The following PTPRS variants were observed in gnomAD, a reference collection of about 807,000 sequenced individuals.
The protein encoded by PTPRS is protein tyrosine phosphatase receptor type S, also known as receptor-type tyrosine-protein phosphatase S.
A neutral mutation model predicts 215.3 loss-of-function variants in PTPRS; 63 were observed. The observed-to-expected ratio is 0.29, with a 90% confidence interval of 0.24 to 0.36. The LOEUF is 0.36. Among genes scored for constraint, PTPRS ranks in the 10% least tolerant of loss-of-function variants. The pLI, the probability that PTPRS is intolerant of heterozygous loss-of-function variation, is 1.00. For synonymous variants in PTPRS, 1,404 were observed against 1,191.4 expected (o/e 1.18, Z -3.68); for missense variants, 2,258 against 2,825.8 (o/e 0.80, Z 4.56).
intron 16 of PTPRS, among the ~76,000 whole-genome samples, chr19:5,226,293 G>A (rs1474118762): frequency 6.6e-6 from 1 of 152,216 alleles, no homozygotes; most frequent in Non-Finnish European, 1.5e-5. Context: ...GGCACAGCCT[G>A]CCTCAGGCCC....
chr19:5,314,254 G>A (rs943091893), intron 1 of PTPRS, among the ~76,000 whole-genome samples: 1 of 152,152 alleles, frequency 6.6e-6, no homozygotes, highest in Non-Finnish European at 1.5e-5. Context: ...AGATAGAGTC[G>A]TGACCTCCCT....
At chr19:5,240,516 C>G (rs2043942198) in intron 11 of PTPRS, among the ~76,000 whole-genome samples, 184 bp from the exon 12 acceptor site, 1 of 152,206 alleles carries the variant, frequency 6.6e-6, no homozygotes, top group African/African-American at 2.4e-5. Context: ...TCCATCCTCT[C>G]TTCTTCCAAA....
intron 9 of PTPRS, among the ~76,000 whole-genome samples, chr19:5,248,651 C>T (rs1157960251): frequency 2.0e-5 from 3 of 152,200 alleles, no homozygotes; most frequent in Non-Finnish European, 4.4e-5. Context: ...TTCTCGACAC[C>T]CTGCCTCTCT....
At chr19:5,306,559 AG>A (rs2049501289) in intron 1 of PTPRS, among the ~76,000 whole-genome samples, 1 of 152,150 alleles carries the variant, frequency 6.6e-6, no homozygotes, top group Admixed American at 6.5e-5. Flanking sequence ...CGCCTGTGGT[AG>A]GATCTTCCGT....
intron 1 of PTPRS, among the ~76,000 whole-genome samples, chr19:5,308,922 C>G (rs1313992426): frequency 2.0e-5 from 3 of 152,182 alleles, no homozygotes; most frequent in Non-Finnish European, 4.4e-5. Context: ...CGTTCCTCTC[C>G]CTTCATTACC....
At position 5,222,764 on chromosome 19, in the gene PTPRS, C is replaced by G. The variant is rs1360908131; in HGVS notation, c.3028G>C (p.Val1010Leu). The change falls in exon 18 of 38, where the codon GTG (valine) becomes CTG (leucine). Residue 1010 changes from valine to leucine, a missense_variant. Coordinates refer to ENST00000262963, the MANE Select transcript of PTPRS (RefSeq NM_002850.4). ...GGGCCCCGGCGCGTGTGGGCTCGCACTTGGAGGTCATAGGCCGTGTCGGGC... is the reference window on the plus strand; with the variant it reads ...GGGCCCCGGCGCGTGTGGGCTCGCAGTTGGAGGTCATAGGCCGTGTCGGGC... ...LKPDTAYDLQ[V>L]RAHTRRGPGP... 12 of 1,599,170 alleles carry G rather than the reference C, an allele frequency of 7.5e-6. No individual in the cohort carries two copies. The highest frequency in any genetic ancestry group is 8.5e-6 in the Non-Finnish European group (10 of 1,178,632).
chr19:5,337,083 C>T (rs1243890805), intron 1 of PTPRS, among the ~76,000 whole-genome samples: 1 of 152,120 alleles, frequency 6.6e-6, no homozygotes, highest in East Asian at 1.9e-4. Flanking sequence ...CTGCGCCCGC[C>T]AAACCTAAAG....
rs963775632 is a variant in PTPRS, at chr19:5,338,822, A to T, written c.-95+1842T>A. ...GGTATCGCAGGAGCAGAGGAGCGGG[A>T]TGGCTTCCTTCTCCCGGGCGAAAGG... On this transcript the variant is annotated intron_variant, in intron 1 of 37. Coordinates refer to ENST00000262963, the MANE Select transcript of PTPRS (RefSeq NM_002850.4). This position sits in a 1 kb window ranked among gnomAD's most constrained non-coding sequence, Gnocchi z 4.2. Among the ~76,000 whole-genome samples the T allele has an allele frequency of 4.6e-5, 7 of 152,274 alleles. No homozygotes were observed. Among genetic ancestry groups the T allele is most frequent in the African/African-American group, 1.7e-4 (7 of 41,560 alleles).
At chr19:5,316,377 T>C (rs1016854678) in intron 1 of PTPRS, among the ~76,000 whole-genome samples, 5 of 151,860 alleles carry the variant, frequency 3.3e-5, no homozygotes, top group African/African-American at 1.2e-4. Flanking sequence ...GATTTGCTGA[T>C]TGGGTTTTTT....
At position 5,295,885 on chromosome 19, in the gene PTPRS, G is replaced by C. The variant is rs934489880; in HGVS notation, c.-94-9651C>G. On this transcript the variant is annotated intron_variant, in intron 1 of 37. Coordinates refer to ENST00000262963, the MANE Select transcript of PTPRS (RefSeq NM_002850.4). This position sits in a 1 kb window ranked among gnomAD's most constrained non-coding sequence, Gnocchi z 4.6. ...TCCTCCCACCTCAGCCTCCTGAGTA[G>C]CTTGGACTACAGGCACATGCCACCA... 2.0e-5 allele frequency among the ~76,000 whole-genome samples: 3 copies of C among 152,112 alleles called. No individual in the cohort carries two copies. Among genetic ancestry groups the C allele is most frequent in the African/African-American group, 7.2e-5 (3 of 41,424 alleles).
At chr19:5,282,743 A>G (rs1041852774) in intron 2 of PTPRS, among the ~76,000 whole-genome samples, 2 of 151,050 alleles carry the variant, frequency 1.3e-5, no homozygotes, top group African/African-American at 4.9e-5. Context: ...CAGAGGCTGC[A>G]GTGGGAGCCG....
chr19:5,207,886 AG>A (rs1568355141), intron 37 of PTPRS, 35 bp downstream of exon 37: 1 of 1,606,604 alleles, frequency 6.2e-7, no homozygotes, highest in Non-Finnish European at 8.5e-7. Flanking sequence ...TCGGGGCGTG[AG>A]GCCAGGCTGC....
At chr19:5,324,937 G>C in intron 1 of PTPRS, among the ~76,000 whole-genome samples, 1 of 152,198 alleles carries the variant, frequency 6.6e-6, no homozygotes, top group South Asian at 2.1e-4. Flanking sequence ...ATCCCCAGAA[G>C]GTGTCCCAAG....
chr19:5,236,812 GC>G (rs1237294149), intron 13 of PTPRS, among the ~76,000 whole-genome samples: 1 of 148,308 alleles, frequency 6.7e-6, no homozygotes, highest in Non-Finnish European at 1.5e-5. Context: ...AACCAAAGGT[GC>G]CCGGGGGGTG....
At chr19:5,268,106 T>C (rs933433287) in intron 4 of PTPRS, among the ~76,000 whole-genome samples, 19 of 150,922 alleles carry the variant, frequency 1.3e-4, no homozygotes, top group African/African-American at 2.7e-4. Context: ...GGAGGCGGAC[T>C]TTGCAGTGAG....
chr19:5,318,156 G>A (rs1183125527), intron 1 of PTPRS, among the ~76,000 whole-genome samples: 1 of 150,904 alleles, frequency 6.6e-6, no homozygotes, highest in Non-Finnish European at 1.5e-5. Flanking sequence ...AGGCAACAGA[G>A]CGAGACTCCG....
rs2050576667 is a variant in PTPRS at position 5,338,411 on chromosome 19, G to GAAATAAT, written c.-95+2252_-95+2253insATTATTT. ...TGATGAGGGTGTCCCCCGGGCCTGG[G>GAAATAAT]GAACAGGGCAGGACCCTGCTTCCCG... On this transcript the variant is annotated intron_variant, in intron 1 of 37. Coordinates refer to ENST00000262963, the MANE Select transcript of PTPRS (RefSeq NM_002850.4). This position sits in a 1 kb window ranked among gnomAD's most constrained non-coding sequence, Gnocchi z 4.2. Among the ~76,000 whole-genome samples, 1 of 152,200 alleles carries GAAATAAT rather than the reference G, an allele frequency of 6.6e-6. No homozygotes were observed. Among genetic ancestry groups the GAAATAAT allele is most frequent in the South Asian group, 2.1e-4 (1 of 4,836 alleles).
At chr19:5,236,569 G>A (rs1449907388) in intron 13 of PTPRS, among the ~76,000 whole-genome samples, 1 of 152,228 alleles carries the variant, frequency 6.6e-6, no homozygotes, top group Admixed American at 6.5e-5. Flanking sequence ...CTTGCTTGGT[G>A]GCTGAGCACA....
chr19:5,279,297 C>G (rs943081217), intron 2 of PTPRS, among the ~76,000 whole-genome samples: 1 of 152,042 alleles, frequency 6.6e-6, no homozygotes, highest in Non-Finnish European at 1.5e-5. Context: ...CACTTTGGTA[C>G]CTTTTTACAT....
Sources: gnomAD v4.1 joint callset for allele counts (sites outside exome capture counted in the v4.1 genomes callset) on GRCh38, gnomAD v4.1.1 for gene constraint, Gnocchi (gnomAD v3.1) non-coding constraint, MANE v1.5 for transcripts, NCBI Gene and HGNC (gene_info 2026-07-23, HGNC 2026-07-21) for gene names.